Variants in KCNH1 observed in about 807,000 individuals in gnomAD.
The protein encoded by KCNH1 is voltage-gated delayed rectifier potassium channel KCNH1.
KCNH1 carries 27 observed loss-of-function variants against 69.2 expected under a neutral mutation model. The observed-to-expected ratio is 0.39, with a 90% CI of 0.29 to 0.54. The LOEUF (loss-of-function observed/expected upper bound fraction) is 0.54. Among genes scored for constraint, KCNH1 ranks in the 20% least tolerant of loss-of-function variants. The probability of loss-of-function intolerance (pLI) is 0.68; values close to 1 mark genes in which losing one functional copy is unlikely to be tolerated. For synonymous variants in KCNH1, 456 were observed against 487.7 expected, an observed-to-expected ratio of 0.93 and a Z score of 0.86; for missense variants, 798 against 1,261.6, an observed-to-expected ratio of 0.63 and a Z score of 5.57.
At chr1:211,001,664 G>A (rs1689181946) in intron 6 of KCNH1, among the ~76,000 whole-genome samples, 1 of 152,100 alleles carries the variant, frequency 6.6e-6, no homozygotes, top group South Asian at 2.1e-4. Context: ...CCATTACTAG[G>A]TATATATCCA....
intron 7 of KCNH1, among the ~76,000 whole-genome samples, chr1:210,833,464 G>A (rs958103911): frequency 6.6e-6 from 1 of 152,106 alleles, no homozygotes; most frequent in African/African-American, 2.4e-5. Flanking sequence ...ATGGTGCTGG[G>A]AAAACTGGCT....
chr1:210,999,902 A>G (rs1230515718), intron 6 of KCNH1, among the ~76,000 whole-genome samples: 1 of 152,234 alleles, frequency 6.6e-6, no homozygotes, highest in Non-Finnish European at 1.5e-5. Flanking sequence ...AAACAGAACC[A>G]AAGACAAAAA....
chr1:210,770,651 A>G (rs747233066), intron 10 of KCNH1, among the ~76,000 whole-genome samples: 1 of 152,224 alleles, frequency 6.6e-6, no homozygotes, highest in Non-Finnish European at 1.5e-5. Context: ...TGTCACTACG[A>G]GGGGGAAATT....
intron 10 of KCNH1, among the ~76,000 whole-genome samples, chr1:210,723,325 A>G (rs1682516068): frequency 6.9e-6 from 1 of 145,758 alleles, no homozygotes; most frequent in Admixed American, 6.9e-5. Context: ...TAGGAGGACC[A>G]TGGTCACCAT....
At chr1:210,757,192 A>G (rs1683417381) in intron 10 of KCNH1, among the ~76,000 whole-genome samples, 1 of 152,088 alleles carries the variant, frequency 6.6e-6, no homozygotes, top group African/African-American at 2.4e-5. Context: ...TGTCTATCTC[A>G]TGTGTAATTC....
chr1:210,805,508 C>T (rs1371828070), intron 7 of KCNH1, among the ~76,000 whole-genome samples: 1 of 152,072 alleles, frequency 6.6e-6, no homozygotes. Context: ...ACTGATCTCT[C>T]TTCTGGCAAC....
At chr1:210,764,727 G>A (rs928565084) in intron 10 of KCNH1, among the ~76,000 whole-genome samples, 4 of 152,152 alleles carry the variant, frequency 2.6e-5, no homozygotes, top group African/African-American at 7.2e-5. Context: ...TGGTAAGGTT[G>A]GGAAGAAAAG....
At chr1:210,774,909 A>G (rs1042162068) in intron 10 of KCNH1, among the ~76,000 whole-genome samples, 1 of 152,206 alleles carries the variant, frequency 6.6e-6, no homozygotes, top group Non-Finnish European at 1.5e-5. Context: ...TATCTGTTAA[A>G]AAATTACCAT....
chr1:211,018,666 C>T, intron 6 of KCNH1, 117 bp downstream of exon 6: 1 of 842,476 alleles, frequency 1.2e-6, no homozygotes, highest in Non-Finnish European at 1.9e-6. Context: ...CATGCTCCCT[C>T]TGTTCTGGAC....
chr1:210,803,131 C>A (rs1321446288), intron 8 of KCNH1, among the ~76,000 whole-genome samples: 1 of 152,068 alleles, frequency 6.6e-6, no homozygotes, highest in African/African-American at 2.4e-5. Context: ...TTGAGACAGT[C>A]TCACTCTGTC....
At chr1:210,923,940 T>C (rs1687514530) in intron 6 of KCNH1, among the ~76,000 whole-genome samples, 1 of 152,216 alleles carries the variant, frequency 6.6e-6, no homozygotes, top group East Asian at 1.9e-4. Flanking sequence ...GAGGTCATAC[T>C]GGAATAGGGT....
In KCNH1 at chr1:210,970,581, GCC is replaced by G. The variant is rs371053037; in HGVS notation, c.1032+48200_1032+48201del. ...TAAATTGTGCTGGGAAAACTGGCTA[GCC>G]ATATGCAGAAAACAAAAACTGGATC... On this transcript the variant is annotated intron_variant, in intron 6 of 10. Coordinates refer to ENST00000271751, the MANE Select transcript of KCNH1 (RefSeq NM_172362.3). Among the ~76,000 whole-genome samples the G allele has an allele frequency of 5.1e-4, 77 of 152,228 alleles. 2 individuals carry two copies. In the East Asian group the frequency reaches 0.013, roughly 26 times the overall value.
rs1691371801 is a variant in KCNH1, at chr1:211,107,396, A to AG, written c.80-20dup. On this transcript the variant is annotated intron_variant, in intron 1 of 10. Transcript: ENST00000271751. ...TTAGTATCTGTTAAAAAAAAAAAAA[A>AG]GGGAAAAAAGGGCACATGAGGCAAC... The AG allele has an allele frequency of 7.7e-7, 1 of 1,292,258 alleles. No homozygotes were observed. Among genetic ancestry groups the AG allele is most frequent in the African/African-American group, 1.5e-5 (1 of 65,594 alleles). 80.0% of individuals were successfully genotyped at this position (1,292,258 alleles called of 1,614,324 possible).
In KCNH1 at chr1:211,080,222, C is replaced by T. The variant is rs12133228; in HGVS notation, c.558+2558G>A. On this transcript the variant is annotated intron_variant, in intron 5 of 10. Transcript: ENST00000271751. ...ATGAGTGAACTCCCATTCACAATTGCTTCAAAGAGAATAAAATACCTAGGA... is the reference window on the plus strand; with the variant it reads ...ATGAGTGAACTCCCATTCACAATTGTTTCAAAGAGAATAAAATACCTAGGA... Among the ~76,000 whole-genome samples the T allele has an allele frequency of 2.6e-5, 4 of 152,114 alleles. No individual in the cohort carries two copies. The South Asian group carries it at 6.2e-4, about 24-fold the overall frequency.
chr1:210,824,359 T>C (rs1291457142), intron 7 of KCNH1, among the ~76,000 whole-genome samples: 1 of 151,168 alleles, frequency 6.6e-6, no homozygotes, highest in Non-Finnish European at 1.5e-5. Context: ...TATTGATATT[T>C]GTAATATTAG....
At chr1:210,774,834 A>C (rs1683830391) in intron 10 of KCNH1, among the ~76,000 whole-genome samples, 1 of 152,166 alleles carries the variant, frequency 6.6e-6, no homozygotes, top group African/African-American at 2.4e-5. Context: ...TTGAATGCAA[A>C]ATATTCTCTA....
At chr1:210,856,572 C>T (rs1281902908) in intron 7 of KCNH1, among the ~76,000 whole-genome samples, 2 of 151,524 alleles carry the variant, frequency 1.3e-5, no homozygotes, top group Non-Finnish European at 2.9e-5. Flanking sequence ...CTGCCATGTG[C>T]ACAAAATTAC....
At chr1:210,830,147 C>A (rs1408422310) in intron 7 of KCNH1, among the ~76,000 whole-genome samples, 2 of 152,096 alleles carry the variant, frequency 1.3e-5, no homozygotes, top group African/African-American at 2.4e-5. Context: ...TTCCCTTAAC[C>A]ATCTCAAGCT....
rs1681205613 is a variant in KCNH1 at position 210,679,131 on chromosome 1, A to G, written c.*4150T>C. The G allele has an allele frequency of 6.6e-6, 1 of 152,258 alleles. No individual in the cohort carries two copies. The highest frequency in any genetic ancestry group is 1.5e-5 in the Non-Finnish European group (1 of 68,062). The allele number at this position is 152,258 out of a possible 1,614,324, so 9.4% of individuals were successfully genotyped here. A position where few individuals can be genotyped will look rare whatever the true frequency, so the allele number is the denominator to read the frequency against. Reference sequence around the variant, plus strand: ...TCTGATGTTTGCAGTCAGTGCTGAGAGGATCATGAAGTCTCCCCCAGGTGG... The same window carrying G: ...TCTGATGTTTGCAGTCAGTGCTGAGGGGATCATGAAGTCTCCCCCAGGTGG... On this transcript the variant is annotated 3_prime_UTR_variant, in exon 11 of 11. Coordinates refer to ENST00000271751, the MANE Select transcript of KCNH1 (RefSeq NM_172362.3).
Sources: gnomAD v4.1 joint callset for allele counts (sites outside exome capture counted in the v4.1 genomes callset) on GRCh38, gnomAD v4.1.1 for gene constraint, MANE v1.5 for transcripts, NCBI Gene and HGNC (gene_info 2026-07-23, HGNC 2026-07-21) for gene names.